ARHGEF12: variants seen among roughly 807,000 people sequenced by gnomAD.
ARHGEF12 encodes the protein Rho guanine nucleotide exchange factor 12, also known as KMT2A/ARHGEF12 fusion protein.
A neutral mutation model predicts 211.2 loss-of-function variants in ARHGEF12; 66 were observed. That is an observed-to-expected ratio of 0.31 (90% CI 0.26 to 0.38). ARHGEF12 has a LOEUF of 0.38. Among genes scored for constraint, ARHGEF12 ranks in the 10% least tolerant of loss-of-function variants. The pLI, the probability that ARHGEF12 is intolerant of heterozygous loss-of-function variation, is 1.00. For synonymous variants in ARHGEF12, 592 were observed against 638.4 expected (o/e 0.93, Z 1.09); for missense variants, 1,429 against 1,869.5 (o/e 0.76, Z 4.34).
intron 1 of ARHGEF12, among the ~76,000 whole-genome samples, chr11:120,347,369 G>A (rs1277197562): frequency 1.3e-5 from 2 of 149,518 alleles, no homozygotes; most frequent in Non-Finnish European, 3.0e-5. Flanking sequence ...ATTTGCAGAG[G>A]TTTCATTTCT....
chr11:120,427,605 G>A (rs1050532530), intron 7 of ARHGEF12, among the ~76,000 whole-genome samples: 1 of 151,040 alleles, frequency 6.6e-6, no homozygotes, highest in African/African-American at 2.4e-5. Context: ...CCAGGAAGTC[G>A]AGGCTGCAGT....
chr11:120,337,794 C>G (rs1483688611), intron 1 of ARHGEF12: 3 of 985,330 alleles, frequency 3.0e-6, no homozygotes, highest in African/African-American at 1.7e-5. Context: ...TATCTAATAA[C>G]TTTCCAGAAT....
chr11:120,402,166 G>C (rs947883932), intron 1 of ARHGEF12, among the ~76,000 whole-genome samples: 1 of 152,142 alleles, frequency 6.6e-6, no homozygotes, highest in East Asian at 1.9e-4. Flanking sequence ...TTGTTTCTGA[G>C]GAGTCTTTTG....
intron 1 of ARHGEF12, among the ~76,000 whole-genome samples, chr11:120,369,081 A>G (rs1207907625): frequency 6.6e-6 from 1 of 150,940 alleles, no homozygotes; most frequent in Non-Finnish European, 1.5e-5. Flanking sequence ...GTCTTTTATC[A>G]TGACTGCTGA....
chr11:120,359,057 CCT>C (rs1257209340), intron 1 of ARHGEF12, among the ~76,000 whole-genome samples: 2 of 151,992 alleles, frequency 1.3e-5, no homozygotes, highest in African/African-American at 4.8e-5. Context: ...CTGGCTTTGC[CCT>C]GAGTGAGTGA....
intron 1 of ARHGEF12, among the ~76,000 whole-genome samples, chr11:120,390,173 G>A (rs554532184): frequency 6.6e-5 from 10 of 152,210 alleles, no homozygotes; most frequent in African/African-American, 2.4e-4. Context: ...CTGCATTTCA[G>A]GTCTGTGATC....
chr11:120,486,355 G>C lies in ARHGEF12; in HGVS notation c.*1278G>C, dbSNP rs1164544071. The C allele has an allele frequency of 1.3e-5, 3 of 232,892 alleles. No homozygotes were observed. Among genetic ancestry groups the C allele is most frequent in the Non-Finnish European group, 2.5e-5 (3 of 117,660 alleles). 14.4% of individuals were successfully genotyped at this position (232,892 alleles called of 1,614,324 possible). A position where few individuals can be genotyped will look rare whatever the true frequency, so the allele number is the denominator to read the frequency against. On this transcript the variant is annotated 3_prime_UTR_variant, in exon 41 of 41. Transcript: ENST00000397843. ...CACGTCCTCTGACTTCACTGCCGCA[G>C]CTCTTTCCACACGGGGCCGTGATTG...
At chr11:120,425,375 A>T in intron 7 of ARHGEF12, among the ~76,000 whole-genome samples, 1 of 146,312 alleles carries the variant, frequency 6.8e-6, no homozygotes, top group Non-Finnish European at 1.5e-5. Context: ...TTTTTAGGGT[A>T]GGGTCTTGTA....
At chr11:120,480,520 GGTGTGT>G in intron 38 of ARHGEF12, 90 bp downstream of exon 38, 7 of 1,040,084 alleles carry the variant, frequency 6.7e-6, no homozygotes, top group Non-Finnish European at 8.3e-6. Flanking sequence ...TTGGTATCCA[GGTGTGT>G]GTGTGTGTGT....
At chr11:120,481,107 A>G (rs543081681) in intron 38 of ARHGEF12, among the ~76,000 whole-genome samples, 153 bp from the exon 39 acceptor site, 2 of 152,340 alleles carry the variant, frequency 1.3e-5, no homozygotes, top group South Asian at 2.1e-4. Flanking sequence ...ATCTGAAGTG[A>G]GGAAATTCTG....
Position 120,481,473 on chromosome 11 carries a change from A to C in ARHGEF12, c.4451A>C (p.Glu1484Ala), listed in dbSNP as rs1835801620. Reference sequence around the variant, plus strand: ...GTCCAGCAGCGCTGGGGAGCTATGGAGTATTCCTGTTTTGAGATCCAGAGT... The same window carrying C: ...GTCCAGCAGCGCTGGGGAGCTATGGCGTATTCCTGTTTTGAGATCCAGAGT... ...FLVQQRWGAM[E>A]YSCFEIQSPS... Residue 1484 changes from glutamate to alanine, a missense_variant, in exon 39 of 41, where the codon GAG (glutamate) becomes GCG (alanine). This residue lies in a region of ARHGEF12 where 467 missense variants were observed against 468.4 expected (regional missense o/e 1.00). Coordinates refer to ENST00000397843, the MANE Select transcript of ARHGEF12 (RefSeq NM_015313.3). The C allele has an allele frequency of 2.5e-6, 4 of 1,614,176 alleles. No individual in the cohort carries two copies. The highest frequency in any genetic ancestry group is 3.4e-6 in the Non-Finnish European group (4 of 1,180,042).
intron 4 of ARHGEF12, among the ~76,000 whole-genome samples, chr11:120,415,475 T>G (rs1945002455): frequency 6.6e-6 from 1 of 152,170 alleles, no homozygotes; most frequent in South Asian, 2.1e-4. Flanking sequence ...GAAGTAGGAT[T>G]TTTGTGTGTG....
At chr11:120,478,801 A>G (rs1947142561) in intron 37 of ARHGEF12, among the ~76,000 whole-genome samples, 1 of 152,250 alleles carries the variant, frequency 6.6e-6, no homozygotes, top group Non-Finnish European at 1.5e-5. Flanking sequence ...ATAAGCTATT[A>G]TAATAGTCTG....
Position 120,485,064 on chromosome 11 carries a change from C to T in ARHGEF12, c.4625-3C>T, listed in dbSNP as rs1042201315. 2.5e-6 allele frequency: 4 copies of T among 1,613,240 alleles called. No homozygotes were observed. Among genetic ancestry groups the T allele is most frequent in the Non-Finnish European group, 3.4e-6 (4 of 1,179,498 alleles). On this transcript the variant is annotated splice_region_variant and splice_polypyrimidine_tract_variant and intron_variant, in intron 40 of 40. Transcript: ENST00000397843. The stretch of plus-strand genomic sequence containing the variant: ...CATTTCCATGTATCTTTATTCTTCT[C>T]AGATAAAAGTTAGAGCCGCATGTCC...
chr11:120,485,737 G>A lies in ARHGEF12; in HGVS notation c.*660G>A. ...TGGCTCTTATGTGCCCAGGTGGTGT[G>A]GTCAGAGAGTGGATGGGCTTCCTCC... On this transcript the variant is annotated 3_prime_UTR_variant, in exon 41 of 41. Transcript: ENST00000397843. 1 of 233,676 alleles carries A rather than the reference G, an allele frequency of 4.3e-6. No homozygotes were observed. Among genetic ancestry groups the A allele is most frequent in the East Asian group, 6.0e-5 (1 of 16,566 alleles). The allele number at this position is 233,676 out of a possible 1,614,324, so 14.5% of individuals were successfully genotyped here. A position where few individuals can be genotyped will look rare whatever the true frequency, so the allele number is the denominator to read the frequency against.
intron 3 of ARHGEF12, 51 bp from the exon 4 acceptor site, chr11:120,409,343 A>C: frequency 6.3e-7 from 1 of 1,585,344 alleles, no homozygotes; most frequent in Non-Finnish European, 8.6e-7. Flanking sequence ...TTCCCCTTAC[A>C]TTGTCTCCAT....
At position 120,467,355 on chromosome 11, in the gene ARHGEF12, A is replaced by C; in HGVS notation, c.2854+47A>C. 4 of 1,156,832 alleles carry C rather than the reference A, an allele frequency of 3.5e-6. No individual in the cohort carries two copies. In the South Asian group the frequency reaches 3.8e-5, roughly 11 times the overall value. The allele number at this position is 1,156,832 out of a possible 1,614,324, so 71.7% of individuals were successfully genotyped here. On this transcript the variant is annotated intron_variant, in intron 29 of 40. Transcript: ENST00000397843. ...AAAAAGCTTAAGAACAACAACAACG[A>C]AACACCCAATATCCTGTAAATAATA...
At chr11:120,357,139 T>C (rs1943152730) in intron 1 of ARHGEF12, among the ~76,000 whole-genome samples, 2 of 151,942 alleles carry the variant, frequency 1.3e-5, no homozygotes, top group African/African-American at 4.8e-5. Flanking sequence ...ACTGCAGGCA[T>C]GTGCCACCGT....
rs1224933248 is a variant in ARHGEF12 at position 120,431,821 on chromosome 11, C to T, written c.834C>T (p.Val278=). The change falls in exon 11 of 41, where the codon GTC becomes GTT. Residue 278 remains valine (V), a synonymous_variant. Coordinates refer to ENST00000397843, the MANE Select transcript of ARHGEF12 (RefSeq NM_015313.3). The part of the protein sequence containing the change: ...PSRPLGDTLT[V]SEAETDPGDV... ...GACCTTTAGGGGACACCCTAACAGT[C>T]AGTGAGGCAGAAACAGATCCTGGAG... 6.2e-7 allele frequency: 1 copy of T among 1,613,980 alleles called. No homozygotes were observed. Among genetic ancestry groups the T allele is most frequent in the Admixed American group, 1.7e-5 (1 of 60,008 alleles).
Sources: allele counts gnomAD v4.1 joint callset (sites outside exome capture counted in the v4.1 genomes callset), GRCh38; gene constraint gnomAD v4.1.1; regional missense constraint gnomAD v4.1.1; transcripts MANE v1.5; gene names NCBI Gene and HGNC (gene_info 2026-07-23, HGNC 2026-07-21).